Variants in ADK observed in about 807,000 individuals in gnomAD.
ADK encodes N6,N6-dimethyladenosine kinase.
Under a neutral mutation model 44.7 loss-of-function variants are expected in ADK, and 24 were observed. That is an observed-to-expected ratio of 0.54 (90% confidence interval 0.39 to 0.76). The LOEUF is 0.76. Among genes scored for constraint, ADK ranks in the 30% least tolerant of loss-of-function variants. ADK has a pLI of 0.00. For synonymous variants in ADK, 128 were observed against 142.6 expected (o/e 0.90, Z 0.73); for missense variants, 321 against 425.1 (o/e 0.76, Z 2.15).
chr10:74,570,170 A>G (rs1343809353), intron 7 of ADK, among the ~76,000 whole-genome samples: 4 of 151,954 alleles, frequency 2.6e-5, no homozygotes, highest in Non-Finnish European at 5.9e-5. Flanking sequence ...TGTTTTGGTT[A>G]CTATAGCCTT....
chr10:74,415,739 C>T (rs1844346138), intron 6 of ADK, among the ~76,000 whole-genome samples: 1 of 152,048 alleles, frequency 6.6e-6, no homozygotes, highest in Non-Finnish European at 1.5e-5. Flanking sequence ...ATGTTATACC[C>T]ATCAGTAGTA....
At chr10:74,200,986 A>C (rs1237848427) in intron 2 of ADK, 148 bp downstream of exon 2, 1 of 652,700 alleles carries the variant, frequency 1.5e-6, no homozygotes, top group Non-Finnish European at 2.7e-6. Context: ...GTGTGCTATC[A>C]TTAACTATTG....
intron 7 of ADK, among the ~76,000 whole-genome samples, chr10:74,568,494 G>C (rs1850781028): frequency 6.6e-6 from 1 of 152,032 alleles, no homozygotes; most frequent in South Asian, 2.1e-4. Flanking sequence ...GAAAGTTCTT[G>C]GATCTTGCAC....
intron 4 of ADK, among the ~76,000 whole-genome samples, chr10:74,390,705 T>C (rs1414081732): frequency 6.6e-6 from 1 of 152,186 alleles, no homozygotes; most frequent in Non-Finnish European, 1.5e-5. Context: ...AATCACACAT[T>C]ACATGTATTA....
chr10:74,297,073 G>T (rs372457551), intron 3 of ADK, among the ~76,000 whole-genome samples: 3 of 152,326 alleles, frequency 2.0e-5, no homozygotes, highest in East Asian at 3.9e-4. Context: ...GCAATAGACT[G>T]TTGGTACTGG....
At chr10:74,152,616 C>T (rs1473297186) in intron 1 of ADK, among the ~76,000 whole-genome samples, 1 of 152,104 alleles carries the variant, frequency 6.6e-6, no homozygotes, top group African/African-American at 2.4e-5. Flanking sequence ...TAGATTTTTC[C>T]TTAATAAAAA....
intron 2 of ADK, among the ~76,000 whole-genome samples, chr10:74,202,807 G>A (rs1202850999): frequency 6.6e-6 from 1 of 152,020 alleles, no homozygotes; most frequent in Non-Finnish European, 1.5e-5. Flanking sequence ...TTGGGTCGTT[G>A]TCTTTTTGTT....
At chr10:74,548,732 T>C (rs2133767781) in intron 7 of ADK, among the ~76,000 whole-genome samples, 1 of 152,342 alleles carries the variant, frequency 6.6e-6, no homozygotes, top group East Asian at 1.9e-4. Context: ...ATAAAGACTT[T>C]GTGTCTCATT....
At chr10:74,228,280 A>G (rs1012395315) in intron 3 of ADK, among the ~76,000 whole-genome samples, 2 of 152,136 alleles carry the variant, frequency 1.3e-5, no homozygotes, top group Non-Finnish European at 2.9e-5. Flanking sequence ...CCTGTTTTTC[A>G]TTATTCTACA....
intron 10 of ADK, among the ~76,000 whole-genome samples, chr10:74,696,982 G>A (rs910626633): frequency 2.0e-5 from 3 of 152,046 alleles, no homozygotes; most frequent in Non-Finnish European, 2.9e-5. Flanking sequence ...ATAAACATTT[G>A]TATATTTTTC....
rs1290830683 is a variant in ADK at position 74,207,754 on chromosome 10, C to T, written c.140+6916C>T. Among the ~76,000 whole-genome samples, 12 of 152,302 alleles carry T rather than the reference C, an allele frequency of 7.9e-5. No individual in the cohort carries two copies. The East Asian group carries it at 2.1e-3, about 27-fold the overall frequency. On this transcript the variant is annotated intron_variant, in intron 2 of 10. Transcript: ENST00000539909. ...AAAGCACCATGAGTCTCACTCCCCTCAGTGGACCCCACCTGGAACTGATAG... is the reference window on the plus strand; with the variant it reads ...AAAGCACCATGAGTCTCACTCCCCTTAGTGGACCCCACCTGGAACTGATAG...
chr10:74,543,027 A>G (rs1223434987), intron 7 of ADK, among the ~76,000 whole-genome samples: 1 of 151,708 alleles, frequency 6.6e-6, no homozygotes, highest in Non-Finnish European at 1.5e-5. Flanking sequence ...CAGCCTCCCA[A>G]GTAGCTGGGA....
intron 4 of ADK, among the ~76,000 whole-genome samples, chr10:74,337,760 A>ATT (rs71475276): frequency 5.4e-4 from 70 of 130,128 alleles, no homozygotes; most frequent in Non-Finnish European, 7.7e-4. Flanking sequence ...TCTTCGGATG[A>ATT]TTTTTTTTTT....
At chr10:74,337,202 T>A (rs995681401) in intron 4 of ADK, among the ~76,000 whole-genome samples, 1 of 152,242 alleles carries the variant, frequency 6.6e-6, no homozygotes, top group Non-Finnish European at 1.5e-5. Context: ...AGGCAGCTAA[T>A]GAAGACTTAC....
intron 4 of ADK, among the ~76,000 whole-genome samples, chr10:74,375,402 A>G (rs570385702): frequency 3.9e-5 from 6 of 152,190 alleles, no homozygotes; most frequent in East Asian, 3.9e-4. Flanking sequence ...ATTGTTTGTT[A>G]GTGTTTATAT....
chr10:74,649,623 T>TA (rs1854189935), intron 9 of ADK, among the ~76,000 whole-genome samples: 3 of 149,364 alleles, frequency 2.0e-5, no homozygotes, highest in Non-Finnish European at 4.5e-5. Flanking sequence ...AGACTCTATA[T>TA]CAAAAAAAAA....
At chr10:74,317,162 T>A (rs1174078749) in intron 4 of ADK, among the ~76,000 whole-genome samples, 8 of 152,216 alleles carry the variant, frequency 5.3e-5, no homozygotes, top group African/African-American at 1.7e-4. Flanking sequence ...ACAAGTATGG[T>A]TGATATCTTG....
intron 6 of ADK, among the ~76,000 whole-genome samples, chr10:74,418,803 AT>A (rs1844461023): frequency 6.6e-6 from 1 of 152,148 alleles, no homozygotes; most frequent in Non-Finnish European, 1.5e-5. Flanking sequence ...CTATGCTGCC[AT>A]TTTGAATTAA....
intron 2 of ADK, among the ~76,000 whole-genome samples, chr10:74,224,194 T>C (rs557272480): frequency 1.3e-5 from 2 of 152,360 alleles, no homozygotes; most frequent in South Asian, 4.1e-4. Context: ...ATATATTTAA[T>C]GAATGATTTA....
Sources: allele counts gnomAD v4.1 joint callset (sites outside exome capture counted in the v4.1 genomes callset), GRCh38; gene constraint gnomAD v4.1.1; transcripts MANE v1.5; gene names NCBI Gene and HGNC (gene_info 2026-07-23, HGNC 2026-07-21).